Variants in CCDC60 observed in about 807,000 individuals in gnomAD.
The protein encoded by CCDC60 is coiled-coil domain-containing protein 60.
In CCDC60, 54 loss-of-function variants were observed where a neutral mutation model predicts 63.5. The observed-to-expected ratio is 0.85, with a 90% CI of 0.68 to 1.07. The LOEUF (loss-of-function observed/expected upper bound fraction) is 1.07. Among genes scored for constraint, CCDC60 ranks in the 50% least tolerant of loss-of-function variants. The pLI is 0.00. For synonymous variants in CCDC60, 206 were observed against 238.8 expected (o/e 0.86, Z 1.27); for missense variants, 651 against 684.3 (o/e 0.95, Z 0.54).
chr12:119,459,528 A>T (rs546057241), intron 2 of CCDC60, among the ~76,000 whole-genome samples: 24 of 152,348 alleles, frequency 1.6e-4, no homozygotes, highest in African/African-American at 5.8e-4. Context: ...ATTAGCCACA[A>T]GATTAGAAAT....
intron 1 of CCDC60, among the ~76,000 whole-genome samples, chr12:119,416,511 C>A (rs1271398399): frequency 1.3e-5 from 2 of 152,114 alleles, no homozygotes; most frequent in African/African-American, 2.4e-5. Flanking sequence ...AAATGAAGTT[C>A]TTTATTACTG....
Position 119,467,264 on chromosome 12 carries a change from A to G in CCDC60, c.171-4730A>G, listed in dbSNP as rs546400668. The stretch of plus-strand genomic sequence containing the variant: ...AAGCACCCTCCTAGGCTAAGCCCCA[A>G]TTTTGGGCATGCCTGCCCTGCATCA... On this transcript the variant is annotated intron_variant, in intron 2 of 13. Coordinates refer to ENST00000327554, the MANE Select transcript of CCDC60 (RefSeq NM_178499.5). Among the ~76,000 whole-genome samples the G allele has an allele frequency of 9.7e-4, 148 of 152,302 alleles. 1 individual carries two copies. Among genetic ancestry groups the G allele is most frequent in the African/African-American group, 1.1e-3 (45 of 41,574 alleles).
intron 1 of CCDC60, among the ~76,000 whole-genome samples, chr12:119,398,952 A>G (rs549493432): frequency 6.6e-6 from 1 of 152,352 alleles, no homozygotes; most frequent in East Asian, 1.9e-4. Context: ...AAGAAAGGCA[A>G]TATTATGAAT....
chr12:119,437,017 C>T (rs1950338566), intron 2 of CCDC60, among the ~76,000 whole-genome samples: 1 of 152,192 alleles, frequency 6.6e-6, no homozygotes, highest in Non-Finnish European at 1.5e-5. Context: ...AGTTTGCCAA[C>T]CAAGGAGCCC....
rs918597562 is a variant in CCDC60, at chr12:119,410,078, T to C, written c.91-18605T>C. 9.2e-5 allele frequency among the ~76,000 whole-genome samples: 14 copies of C among 152,102 alleles called. No homozygotes were observed. The highest frequency in any genetic ancestry group is 9.2e-4 in the Admixed American group (14 of 15,280). On this transcript the variant is annotated intron_variant, in intron 1 of 13. Coordinates refer to ENST00000327554, the MANE Select transcript of CCDC60 (RefSeq NM_178499.5). The surrounding 1 kb of genome is among the most constrained non-coding windows in gnomAD (Gnocchi z 4.0). ...CTCCTTATAGTCCCACGATACTCAA[T>C]ACCCTGACGCTCTCCAAGATACATT...
At chr12:119,360,047 G>C (rs1212305065) in intron 1 of CCDC60, among the ~76,000 whole-genome samples, 2 of 152,084 alleles carry the variant, frequency 1.3e-5, no homozygotes, top group Non-Finnish European at 2.9e-5. Flanking sequence ...TGAGCTGTTG[G>C]GCACACCTCC....
In CCDC60 at chr12:119,389,286, T is replaced by C. The variant is rs1161797986; in HGVS notation, c.91-39397T>C. On this transcript the variant is annotated intron_variant, in intron 1 of 13. Coordinates refer to ENST00000327554, the MANE Select transcript of CCDC60 (RefSeq NM_178499.5). ...CTACAGTTCACCAGCCAAATCTGGC[T>C]GACCACTTGTTTTTATAAATAAAGT... is the stretch of plus-strand genomic sequence containing the variant. Among the ~76,000 whole-genome samples the C allele has an allele frequency of 1.3e-5, 2 of 152,268 alleles. 1 individual carries two copies. Among genetic ancestry groups the C allele is most frequent in the Middle Eastern group, 6.3e-3 (2 of 316 alleles).
intron 3 of CCDC60, among the ~76,000 whole-genome samples, chr12:119,477,805 G>A (rs187680952): frequency 6.6e-6 from 1 of 152,280 alleles, no homozygotes; most frequent in Non-Finnish European, 1.5e-5. Context: ...CAGGTCCCGA[G>A]TGGCCAGAGC....
At chr12:119,392,664 G>C (rs921577043) in intron 1 of CCDC60, among the ~76,000 whole-genome samples, 1 of 152,128 alleles carries the variant, frequency 6.6e-6, no homozygotes, top group Non-Finnish European at 1.5e-5. Flanking sequence ...AAATATTTAC[G>C]GGATGAATGA....
chr12:119,521,955 A>G (rs1405498702), intron 9 of CCDC60, among the ~76,000 whole-genome samples: 1 of 152,218 alleles, frequency 6.6e-6, no homozygotes. Flanking sequence ...TAAGACCTCC[A>G]GGTCTAGTCC....
chr12:119,368,600 C>G (rs981997876), intron 1 of CCDC60, among the ~76,000 whole-genome samples: 1 of 152,164 alleles, frequency 6.6e-6, no homozygotes, highest in African/African-American at 2.4e-5. Context: ...GGGAAACCAT[C>G]TGAAATTGGG....
At chr12:119,434,240 T>C (rs1274238698) in intron 2 of CCDC60, among the ~76,000 whole-genome samples, 7 of 151,684 alleles carry the variant, frequency 4.6e-5, no homozygotes, top group Non-Finnish European at 1.0e-4. Context: ...TAATTAGAAA[T>C]AACAAAGGTG....
chr12:119,409,546 C>A (rs1467851022), intron 1 of CCDC60, among the ~76,000 whole-genome samples: 1 of 152,008 alleles, frequency 6.6e-6, no homozygotes, highest in Non-Finnish European at 1.5e-5. Flanking sequence ...TTTATTGTCC[C>A]CAAAATGTAC....
At chr12:119,516,531 G>T in intron 7 of CCDC60, 92 bp from the exon 8 acceptor site, 2 of 785,698 alleles carry the variant, frequency 2.5e-6, no homozygotes, top group East Asian at 4.9e-5. Flanking sequence ...AGGAGCAGAG[G>T]TGACCCCAGT....
intron 2 of CCDC60, chr12:119,429,827 A>T (rs1427053042): frequency 6.6e-6 from 1 of 152,150 alleles, no homozygotes; most frequent in Non-Finnish European, 1.5e-5. Flanking sequence ...GGGTCTCTAG[A>T]CACTGTCTAG....
intron 13 of CCDC60, among the ~76,000 whole-genome samples, chr12:119,531,470 A>C (rs1259965541): frequency 1.3e-5 from 2 of 152,216 alleles, no homozygotes; most frequent in Admixed American, 1.3e-4. Flanking sequence ...TTGTATGCAC[A>C]ATACAGTTTG....
chr12:119,493,615 G>A (rs1481414234), intron 5 of CCDC60, among the ~76,000 whole-genome samples: 1 of 152,070 alleles, frequency 6.6e-6, no homozygotes, highest in Non-Finnish European at 1.5e-5. Context: ...CAGCATCCTT[G>A]TTAATTCCAC....
chr12:119,507,132 G>A (rs1952027183), intron 7 of CCDC60, among the ~76,000 whole-genome samples: 1 of 152,110 alleles, frequency 6.6e-6, no homozygotes. Context: ...GACAAGGATT[G>A]TGTGTCGCAT....
rs764414328 is a variant in CCDC60, at chr12:119,428,698, A to G, written c.106A>G (p.Met36Val). 2.5e-6 allele frequency: 4 copies of G among 1,605,552 alleles called. No homozygotes were observed. The highest frequency in any genetic ancestry group is 3.4e-5 in the Admixed American group (2 of 59,332). Residue 36 changes from methionine (M) to valine (V), a missense_variant, in exon 2 of 14, where the codon ATG (methionine) becomes GTG (valine). Met to Val is a conservative substitution (Grantham distance 21, BLOSUM62 1). Coordinates refer to ENST00000327554, the MANE Select transcript of CCDC60 (RefSeq NM_178499.5). ...ENLRQVPDKP[M>V]KSIKYMDKEI... ...TTCTCATCAGGTCCCAGACAAGCCA[A>G]TGAAGAGCATCAAGTATATGGACAA...
Sources: gnomAD v4.1 joint callset for allele counts (sites outside exome capture counted in the v4.1 genomes callset) on GRCh38, gnomAD v4.1.1 for gene constraint, Gnocchi (gnomAD v3.1) non-coding constraint, MANE v1.5 for transcripts, NCBI Gene and HGNC (gene_info 2026-07-23, HGNC 2026-07-21) for gene names.